SUGCT: variants seen among roughly 807,000 people sequenced by gnomAD.
SUGCT encodes succinyl-CoA:glutarate CoA-transferase.
SUGCT carries 41 observed loss-of-function variants against 55.0 expected under a neutral mutation model. That is an observed-to-expected ratio of 0.74 (90% CI 0.58 to 0.97). The LOEUF (loss-of-function observed/expected upper bound fraction) is 0.97. Among genes scored for constraint, SUGCT ranks in the 50% least tolerant of loss-of-function variants. The pLI, the probability that SUGCT is intolerant of heterozygous loss-of-function variation, is 0.00. For synonymous variants in SUGCT, 187 were observed against 200.4 expected (o/e 0.93, Z 0.56); for missense variants, 568 against 547.8 (o/e 1.04, Z -0.37).
chr7:40,596,673 G>C (rs1798023484), intron 12 of SUGCT, among the ~76,000 whole-genome samples: 1 of 152,174 alleles, frequency 6.6e-6, no homozygotes, highest in Non-Finnish European at 1.5e-5. Context: ...TCTGGTAGAT[G>C]TGGATGGATG....
the SUGCT span, chr7:40,979,246 T>C: frequency 2.0e-5 from 3 of 152,218 alleles, no homozygotes; most frequent in Non-Finnish European, 4.4e-5. Context: ...CCTACTCACA[T>C]GAAAGAAGCA....
At chr7:40,736,489 T>C (rs1331079822) in intron 12 of SUGCT, among the ~76,000 whole-genome samples, 2 of 151,584 alleles carry the variant, frequency 1.3e-5, no homozygotes, top group African/African-American at 2.4e-5. Context: ...ATGGATTCAG[T>C]AAAAATTAAA....
the SUGCT span, among the ~76,000 whole-genome samples, chr7:40,924,699 T>A: frequency 0.014 from 2,116 of 148,160 alleles, 49 homozygotes; most frequent in African/African-American, 0.053. Flanking sequence ...CATGGAGGAC[T>A]ATCTCTGGGG....
intron 11 of SUGCT, among the ~76,000 whole-genome samples, chr7:40,492,120 G>A (rs1196688476): frequency 1.3e-5 from 2 of 152,128 alleles, no homozygotes; most frequent in Non-Finnish European, 2.9e-5. Context: ...ACCATGAAAA[G>A]AATATTGGAT....
chr7:41,030,166 C>T, the SUGCT span, among the ~76,000 whole-genome samples: 2 of 152,102 alleles, frequency 1.3e-5, no homozygotes, highest in Non-Finnish European at 1.5e-5. Context: ...TTTAAAACAT[C>T]TTGGCTACCA....
At chr7:40,481,640 T>C (rs888965446) in intron 11 of SUGCT, among the ~76,000 whole-genome samples, 22 of 152,030 alleles carry the variant, frequency 1.4e-4, no homozygotes, top group African/African-American at 4.6e-4. Flanking sequence ...CAAAAAGATA[T>C]AACCAGGGAT....
chr7:40,373,972 G>A (rs1191069442), intron 9 of SUGCT, among the ~76,000 whole-genome samples: 2 of 152,158 alleles, frequency 1.3e-5, no homozygotes, highest in Non-Finnish European at 2.9e-5. Flanking sequence ...GTCTGGTTAA[G>A]TGGAAAAATA....
intron 12 of SUGCT, among the ~76,000 whole-genome samples, chr7:40,516,490 C>G (rs1382386940): frequency 5.3e-5 from 8 of 152,060 alleles, no homozygotes; most frequent in Admixed American, 3.3e-4. Context: ...ACAGTCAAGT[C>G]TCTAGTCCAT....
At chr7:40,249,205 T>G (rs543053297) in intron 7 of SUGCT, among the ~76,000 whole-genome samples, 1 of 150,442 alleles carries the variant, frequency 6.6e-6, no homozygotes, top group Non-Finnish European at 1.5e-5. Context: ...GGTGGGAGGA[T>G]TACTTGAGCC....
intron 9 of SUGCT, among the ~76,000 whole-genome samples, chr7:40,409,249 C>T (rs972452067): frequency 6.7e-6 from 1 of 149,758 alleles, no homozygotes; most frequent in Admixed American, 6.8e-5. Context: ...AGCCATCATG[C>T]TGAGCTGTCT....
At chr7:40,388,096 T>C (rs959231607) in intron 9 of SUGCT, 8 of 152,180 alleles carry the variant, frequency 5.3e-5, no homozygotes, top group African/African-American at 1.4e-4. Flanking sequence ...TTACTTTCAA[T>C]TGAAAGTAGA....
At chr7:40,542,533 GA>G (rs1346828447) in intron 12 of SUGCT, among the ~76,000 whole-genome samples, 1 of 152,094 alleles carries the variant, frequency 6.6e-6, no homozygotes, top group East Asian at 1.9e-4. Flanking sequence ...TGATTAGTTT[GA>G]TAGCAAAAAA....
chr7:40,938,236 G>A, the SUGCT span, among the ~76,000 whole-genome samples: 86 of 152,152 alleles, frequency 5.7e-4, no homozygotes, highest in Non-Finnish European at 6.8e-4. Context: ...TACATTTATT[G>A]TAGTTGCTAG....
At chr7:40,995,773 C>G in the SUGCT span, among the ~76,000 whole-genome samples, 1 of 152,158 alleles carries the variant, frequency 6.6e-6, no homozygotes, top group Non-Finnish European at 1.5e-5. Context: ...AATCCACCTA[C>G]AGGCACAGAA....
intron 9 of SUGCT, among the ~76,000 whole-genome samples, chr7:40,338,444 T>C (rs1196942633): frequency 6.6e-6 from 1 of 152,192 alleles, no homozygotes; most frequent in African/African-American, 2.4e-5. Flanking sequence ...GCTTTGTTCG[T>C]CTCTTTATAT....
chr7:40,662,676 C>T (rs576855436), intron 12 of SUGCT, among the ~76,000 whole-genome samples: 4 of 152,280 alleles, frequency 2.6e-5, no homozygotes, highest in South Asian at 4.2e-4. Context: ...TCATATACTG[C>T]CTCCTCAAGA....
chr7:40,568,747 C>T (rs1402593104), intron 12 of SUGCT, among the ~76,000 whole-genome samples: 3 of 152,194 alleles, frequency 2.0e-5, no homozygotes, highest in Non-Finnish European at 2.9e-5. Flanking sequence ...AGATGCTTTA[C>T]ATATTTTTGA....
chr7:40,920,661 A>G, the SUGCT span, among the ~76,000 whole-genome samples: 1 of 152,178 alleles, frequency 6.6e-6, no homozygotes, highest in Admixed American at 6.5e-5. Context: ...TCTAAACAGG[A>G]AAATCATCCT....
chr7:40,871,251 T>C, the SUGCT span, among the ~76,000 whole-genome samples: 1 of 152,236 alleles, frequency 6.6e-6, no homozygotes, highest in East Asian at 1.9e-4. Context: ...GTGCCATTTC[T>C]AAGCTAAGTC....
Sources: gnomAD v4.1 joint callset for allele counts (sites outside exome capture counted in the v4.1 genomes callset) on GRCh38, gnomAD v4.1.1 for gene constraint, MANE v1.5 for transcripts, NCBI Gene and HGNC (gene_info 2026-07-23, HGNC 2026-07-21) for gene names.